The following KIAA2012 variants were observed in gnomAD, a reference collection of about 807,000 sequenced individuals.
KIAA2012 encodes KIAA2012.
Under a neutral mutation model 150.6 loss-of-function variants are expected in KIAA2012, and 125 were observed. The observed-to-expected ratio is 0.83, with a 90% CI of 0.72 to 0.96. The LOEUF (loss-of-function observed/expected upper bound fraction) is 0.96, where lower values mean the gene tolerates loss of function less well. Among genes scored for constraint, KIAA2012 ranks in the 40% least tolerant of loss-of-function variants. KIAA2012 has a pLI of 0.00. For missense variants in KIAA2012, 1,219 were observed against 1,354.9 expected, an observed-to-expected ratio of 0.90 and a Z score of 1.57; for synonymous variants, 462 against 504.7, an observed-to-expected ratio of 0.92 and a Z score of 1.13.
At chr2:202,188,006 C>G (rs1692262598) in intron 17 of KIAA2012, 146 bp from the exon 18 acceptor site, 6 of 616,830 alleles carry the variant, frequency 9.7e-6, no homozygotes, top group Non-Finnish European at 1.7e-5. Flanking sequence ...TCTGCATTCT[C>G]TAAGATTCAC....
At chr2:202,156,344 T>A (rs1041310734) in intron 14 of KIAA2012, among the ~76,000 whole-genome samples, 1 of 152,222 alleles carries the variant, frequency 6.6e-6, no homozygotes, top group Non-Finnish European at 1.5e-5. Context: ...AGCAACAGTT[T>A]AGTTCTTCAC....
intron 14 of KIAA2012, among the ~76,000 whole-genome samples, chr2:202,164,715 C>CTGT (rs1225734513): frequency 6.6e-6 from 1 of 152,234 alleles, no homozygotes; most frequent in Non-Finnish European, 1.5e-5. Context: ...TCAGTCTCTG[C>CTGT]TGTAGTCACA....
chr2:202,193,430 G>A lies in KIAA2012; in HGVS notation c.2941G>A (p.Glu981Lys). 6.5e-7 allele frequency: 1 copy of A among 1,550,342 alleles called. No individual in the cohort carries two copies. The highest frequency in any genetic ancestry group is 8.7e-7 in the Non-Finnish European group (1 of 1,146,866). ...GGAAGAGCAAAGGCAGCTCCAGCAG[G>A]AGCAGCTGGAGAGAGCAAAAAAGAT... ...EQEEQRQLQQ[E>K]QLERAKKMEE... The change falls in exon 20 of 24, where the codon GAG becomes AAG. Residue 981 changes from glutamate to lysine, a missense_variant. Transcript: ENST00000498697.
At chr2:202,089,181 T>C (rs60010648) in intron 2 of KIAA2012, among the ~76,000 whole-genome samples, 27,265 of 152,180 alleles carry the variant, frequency 0.18, 3,649 homozygotes, top group African/African-American at 0.38. Flanking sequence ...ACCAGAGCTA[T>C]TGAGCCACTG....
chr2:202,184,850 GT>G lies in KIAA2012; in HGVS notation c.2210+9del, dbSNP rs1238898862. 1.0e-5 allele frequency: 16 copies of G among 1,537,666 alleles called. No homozygotes were observed. The Admixed American group carries it at 3.3e-4, about 32-fold the overall frequency. ...CAGATATTGTGCAAAAAGTGTAAGTGTTCAAAGTTGTAATAACATAGGCTTC... is the reference window on the plus strand; with the variant it reads ...CAGATATTGTGCAAAAAGTGTAAGTGTCAAAGTTGTAATAACATAGGCTTC... On this transcript the variant is annotated splice_region_variant and intron_variant, in intron 16 of 23. Coordinates refer to ENST00000498697, the MANE Select transcript of KIAA2012 (RefSeq NM_001277372.4).
At chr2:202,165,855 C>T (rs1282720432) in intron 15 of KIAA2012, among the ~76,000 whole-genome samples, 2 of 152,140 alleles carry the variant, frequency 1.3e-5, no homozygotes, top group East Asian at 1.9e-4. Context: ...ACTAATTTTA[C>T]AAGAGCTTGT....
At chr2:202,148,182 G>C (rs1691340730) in intron 13 of KIAA2012, among the ~76,000 whole-genome samples, 1 of 152,178 alleles carries the variant, frequency 6.6e-6, no homozygotes, top group Non-Finnish European at 1.5e-5. Flanking sequence ...AGAACAATGA[G>C]CTTAGCCCCA....
At chr2:202,143,450 A>AG (rs1691237451) in intron 13 of KIAA2012, among the ~76,000 whole-genome samples, 1 of 152,122 alleles carries the variant, frequency 6.6e-6, no homozygotes, top group Non-Finnish European at 1.5e-5. Context: ...TGTAAAAAAA[A>AG]AAAATGTATC....
In KIAA2012 at chr2:202,190,482, G is replaced by C; in HGVS notation, c.2800G>C (p.Asp934His). ...MESKEERRCE[D>H]PSKALLTKRE... Reference sequence around the variant, plus strand: ...ATCTAAAGAAGAGAGAAGATGTGAGGACCCTTCCAAGGTAGGGTCTGATGT... The same window carrying C: ...ATCTAAAGAAGAGAGAAGATGTGAGCACCCTTCCAAGGTAGGGTCTGATGT... The change falls in exon 19 of 24, where the codon GAC becomes CAC. Residue 934 changes from aspartate (D) to histidine (H), a missense_variant. Coordinates refer to ENST00000498697, the MANE Select transcript of KIAA2012 (RefSeq NM_001277372.4). The C allele has an allele frequency of 6.6e-7, 1 of 1,525,406 alleles. No individual in the cohort carries two copies. The highest frequency in any genetic ancestry group is 8.8e-7 in the Non-Finnish European group (1 of 1,133,794). 94.5% of individuals were successfully genotyped at this position (1,525,406 alleles called of 1,614,324 possible).
At chr2:202,112,231 G>A (rs1488239843) in intron 10 of KIAA2012, among the ~76,000 whole-genome samples, 1 of 152,064 alleles carries the variant, frequency 6.6e-6, no homozygotes, top group Non-Finnish European at 1.5e-5. Context: ...CCAGGAAAGG[G>A]GAGGGGACAC....
chr2:202,157,322 C>T (rs1336650672), intron 14 of KIAA2012, among the ~76,000 whole-genome samples: 1 of 152,174 alleles, frequency 6.6e-6, no homozygotes, highest in Non-Finnish European at 1.5e-5. Flanking sequence ...CAGAGAAGAG[C>T]ACACAGGCTG....
chr2:202,126,269 T>C lies in KIAA2012; in HGVS notation c.1831+987T>C, dbSNP rs570121220. Among the ~76,000 whole-genome samples the C allele has an allele frequency of 2.4e-4, 37 of 152,142 alleles. 1 individual carries two copies. The South Asian group carries it at 4.6e-3, about 19-fold the overall frequency. ...CTCCTGGCCTCCTGGCTGCTTCTTT[T>C]GGGGCTGGGCAGCAATGAATCCTGC... On this transcript the variant is annotated intron_variant, in intron 12 of 23. Coordinates refer to ENST00000498697, the MANE Select transcript of KIAA2012 (RefSeq NM_001277372.4).
intron 16 of KIAA2012, among the ~76,000 whole-genome samples, chr2:202,185,099 C>T (rs1387552932): frequency 6.6e-6 from 1 of 152,114 alleles, no homozygotes; most frequent in African/African-American, 2.4e-5. Context: ...CCTATGGGAA[C>T]AGCTCTTTCC....
chr2:202,097,506 C>G lies in KIAA2012; in HGVS notation c.757C>G (p.His253Asp). ...GGACCAGGGCCCTCTAGCCAAGAAC[C>G]ATGGCAGTCAGGGGACTCGCTTGCC... ...HVDQGPLAKNHGSQGTRLPPR... is the reference protein window; with the variant it reads ...HVDQGPLAKNDGSQGTRLPPR... Residue 253 changes from histidine to aspartate, a missense_variant, in exon 5 of 24, where the codon CAT (histidine) becomes GAT (aspartate). Transcript: ENST00000498697. 1 of 1,550,450 alleles carries G rather than the reference C, an allele frequency of 6.4e-7. No individual in the cohort carries two copies. Among genetic ancestry groups the G allele is most frequent in the Non-Finnish European group, 8.7e-7 (1 of 1,146,972 alleles).
intron 15 of KIAA2012, among the ~76,000 whole-genome samples, chr2:202,175,482 C>A (rs1202663800): frequency 6.6e-6 from 1 of 152,170 alleles, no homozygotes; most frequent in Non-Finnish European, 1.5e-5. Context: ...GAGGTTGGGC[C>A]TCTGGGAGGT....
At chr2:202,195,048 G>C (rs753153683) in intron 21 of KIAA2012, among the ~76,000 whole-genome samples, 3 of 152,046 alleles carry the variant, frequency 2.0e-5, no homozygotes, top group Non-Finnish European at 2.9e-5. Flanking sequence ...GATTACAGGT[G>C]TGAGCCACCG....
intron 14 of KIAA2012, among the ~76,000 whole-genome samples, chr2:202,156,209 G>GA (rs961055871): frequency 3.8e-4 from 56 of 145,728 alleles, no homozygotes; most frequent in East Asian, 3.0e-3. Context: ...CATCTCTATA[G>GA]AAAAAAAAAA....
At chr2:202,125,078 A>T (rs1253935984) in intron 11 of KIAA2012, 136 bp from the exon 12 acceptor site, 7 of 703,928 alleles carry the variant, frequency 9.9e-6, no homozygotes, top group Admixed American at 8.6e-5. Context: ...TCAAAAATTT[A>T]AAAAAAAGAA....
At chr2:202,166,784 C>T (rs1691776414) in intron 15 of KIAA2012, among the ~76,000 whole-genome samples, 1 of 152,088 alleles carries the variant, frequency 6.6e-6, no homozygotes, top group Admixed American at 6.5e-5. Flanking sequence ...AAGCAGTGAA[C>T]CAGTTGCCAC....
Sources: allele counts gnomAD v4.1 joint callset (sites outside exome capture counted in the v4.1 genomes callset), GRCh38; gene constraint gnomAD v4.1.1; transcripts MANE v1.5; gene names NCBI Gene and HGNC (gene_info 2026-07-23, HGNC 2026-07-21).